Variants in SLC19A2 observed in about 807,000 individuals in gnomAD.
The protein encoded by SLC19A2 is thiamine transporter 1.
SLC19A2 carries 27 observed loss-of-function variants against 44.7 expected under a neutral mutation model. The ratio of observed to expected loss-of-function variants is 0.60; its 90% CI spans 0.45 to 0.83. The LOEUF (loss-of-function observed/expected upper bound fraction) is 0.83. Among genes scored for constraint, SLC19A2 ranks in the 40% least tolerant of loss-of-function variants. SLC19A2 has a pLI of 0.00. For synonymous variants in SLC19A2, 239 were observed against 243.6 expected, an observed-to-expected ratio of 0.98 and a Z score of 0.18; for missense variants, 566 against 613.7, an observed-to-expected ratio of 0.92 and a Z score of 0.82.
At chr1:169,470,572 A>G (rs1296508133) in intron 2 of SLC19A2, among the ~76,000 whole-genome samples, 1 of 152,176 alleles carries the variant, frequency 6.6e-6, no homozygotes, top group Non-Finnish European at 1.5e-5. Flanking sequence ...ATCACTATTC[A>G]GTTAAGGCCT....
At chr1:169,469,002 A>G in intron 3 of SLC19A2, 166 bp from the exon 4 acceptor site, 1 of 631,454 alleles carries the variant, frequency 1.6e-6, no homozygotes, top group Non-Finnish European at 2.7e-6. Flanking sequence ...TCTGAACTTG[A>G]TGGAATCAAT....
rs1192366546 is a variant in SLC19A2, at chr1:169,463,953, A to C, written c.*1896T>G. 1 of 152,114 alleles carries C rather than the reference A, an allele frequency of 6.6e-6. No homozygotes were observed. The highest frequency in any genetic ancestry group is 1.5e-5 in the Non-Finnish European group (1 of 67,932). The allele number at this position is 152,114 out of a possible 1,614,324, so 9.4% of individuals were successfully genotyped here. ...ATATACTGTAAAATATTTATTTAATAAAAATAATTTTATAATCTATACAGA... is the reference window on the plus strand; with the variant it reads ...ATATACTGTAAAATATTTATTTAATCAAAATAATTTTATAATCTATACAGA... On this transcript the variant is annotated 3_prime_UTR_variant, in exon 6 of 6. Coordinates refer to ENST00000236137, the MANE Select transcript of SLC19A2 (RefSeq NM_006996.3).
intron 5 of SLC19A2, among the ~76,000 whole-genome samples, chr1:169,467,367 A>G (rs1658016267): frequency 6.6e-6 from 1 of 152,318 alleles, no homozygotes; most frequent in Admixed American, 6.5e-5. Context: ...GAGGCACTCA[A>G]TGCACATTGT....
intron 2 of SLC19A2, among the ~76,000 whole-genome samples, chr1:169,476,443 G>A (rs1464615859): frequency 6.6e-6 from 1 of 152,216 alleles, no homozygotes; most frequent in Non-Finnish European, 1.5e-5. Context: ...TCATGACTGG[G>A]TGCGGTGGCT....
rs376279404 is a variant in SLC19A2, at chr1:169,465,798, G to C, written c.*51C>G. 343 of 1,601,274 alleles carry C rather than the reference G, an allele frequency of 2.1e-4. No individual in the cohort carries two copies. Among genetic ancestry groups the C allele is most frequent in the Non-Finnish European group, 1.3e-4 (150 of 1,171,016 alleles). ...GCTTTAAAAAATCAAACACATCCAGGCAGTTGCTGTGCAGAGTTCTTGCTA... is the reference window on the plus strand; with the variant it reads ...GCTTTAAAAAATCAAACACATCCAGCCAGTTGCTGTGCAGAGTTCTTGCTA... On this transcript the variant is annotated 3_prime_UTR_variant, in exon 6 of 6. Coordinates refer to ENST00000236137, the MANE Select transcript of SLC19A2 (RefSeq NM_006996.3).
intron 2 of SLC19A2, 80 bp downstream of exon 2, chr1:169,477,075 C>G (rs1658337007): frequency 3.4e-6 from 5 of 1,482,146 alleles, no homozygotes; most frequent in Non-Finnish European, 4.7e-6. Flanking sequence ...CAAGATCTAC[C>G]AAGAGGGAGT....
rs757899129 is a variant in SLC19A2 at position 169,477,782 on chromosome 1, AC to A, written c.205-26del. The A allele has an allele frequency of 5.0e-6, 8 of 1,586,972 alleles. No individual in the cohort carries two copies. The African/African-American group carries it at 9.5e-5, about 19-fold the overall frequency. On this transcript the variant is annotated intron_variant, in intron 1 of 5. Transcript: ENST00000236137. ...CCTGGTAGAAAGAGAAAAAAAAAAA[AC>A]AAAAAACATTAGTGATGAAAGGACC...
Position 169,485,688 on chromosome 1 carries a change from G to T in SLC19A2, c.79C>A (p.Arg27Ser). The T allele has an allele frequency of 6.5e-7, 1 of 1,548,494 alleles. No individual in the cohort carries two copies. The highest frequency in any genetic ancestry group is 1.2e-5 in the South Asian group (1 of 84,070). ...TVLLRTARVR[R>S]ECWFLPTALL... ...GCGGTCGGCAAGAACCAGCATTCGC[G>T]ACGGACCCGAGCGGTCCGCAGGAGC... The change falls in exon 1 of 6, where the codon CGC becomes AGC. Residue 27 changes from arginine (R) to serine (S), a missense_variant. Coordinates refer to ENST00000236137, the MANE Select transcript of SLC19A2 (RefSeq NM_006996.3).
chr1:169,465,437 C>A lies in SLC19A2; in HGVS notation c.*412G>T. The A allele has an allele frequency of 5.0e-6, 1 of 200,566 alleles. No homozygotes were observed. Among genetic ancestry groups the A allele is most frequent in the Non-Finnish European group, 1.0e-5 (1 of 97,354 alleles). 12.4% of individuals were successfully genotyped at this position (200,566 alleles called of 1,614,324 possible). On this transcript the variant is annotated 3_prime_UTR_variant, in exon 6 of 6. Transcript: ENST00000236137. ...ACATATTTCCATCCATCATGACTTGCAACATTTTGTGGCCTCTGTGGAGCC... is the reference window on the plus strand; with the variant it reads ...ACATATTTCCATCCATCATGACTTGAAACATTTTGTGGCCTCTGTGGAGCC...
At chr1:169,468,888 C>G in intron 3 of SLC19A2, 52 bp from the exon 4 acceptor site, 1 of 1,520,234 alleles carries the variant, frequency 6.6e-7, no homozygotes, top group Non-Finnish European at 9.1e-7. Flanking sequence ...AATGCTGTTG[C>G]AATAAATTAA....
intron 1 of SLC19A2, among the ~76,000 whole-genome samples, chr1:169,485,238 C>T (rs1376558079): frequency 1.3e-5 from 2 of 152,218 alleles, no homozygotes; most frequent in Non-Finnish European, 2.9e-5. Flanking sequence ...AAAATATTGC[C>T]CCCTCGCCCC....
chr1:169,476,517 G>A (rs1394569712), intron 2 of SLC19A2, among the ~76,000 whole-genome samples: 6 of 152,036 alleles, frequency 3.9e-5, no homozygotes, highest in African/African-American at 1.2e-4. Flanking sequence ...TCAGGAGTTC[G>A]AGACCAGCCT....
intron 2 of SLC19A2, among the ~76,000 whole-genome samples, chr1:169,471,508 C>CA (rs1658180685): frequency 1.1e-5 from 1 of 94,938 alleles, no homozygotes; most frequent in Non-Finnish European, 2.1e-5. Context: ...CACACACACA[C>CA]AATTTAATTA....
intron 1 of SLC19A2, among the ~76,000 whole-genome samples, chr1:169,484,336 C>A (rs748969824): frequency 6.6e-6 from 1 of 152,196 alleles, no homozygotes; most frequent in Non-Finnish European, 1.5e-5. Flanking sequence ...CTTGTTCTGA[C>A]CTGTTATGCA....
intron 1 of SLC19A2, among the ~76,000 whole-genome samples, chr1:169,481,212 C>T (rs1325552855): frequency 6.6e-6 from 1 of 152,206 alleles, no homozygotes; most frequent in Non-Finnish European, 1.5e-5. Flanking sequence ...TAATCCAAAC[C>T]ACAAACCTAA....
intron 1 of SLC19A2, among the ~76,000 whole-genome samples, chr1:169,483,667 T>G (rs1658490776): frequency 1.3e-5 from 2 of 152,242 alleles, no homozygotes; most frequent in African/African-American, 4.8e-5. Flanking sequence ...ACAGAGCACA[T>G]GATCTTGGTA....
rs1658131092 is a variant in SLC19A2 at position 169,470,040 on chromosome 1, G to T, written c.954C>A (p.Gly318=). ...GYFQVVNYTQ[G]LWEKVMPSRY... is the part of the protein sequence containing the mutation. ...GAGAAGGCATCACTTTCTCCCACAG[G>T]CCCTGTGTGTAGTTCACAACTTGAA... is the stretch of plus-strand genomic sequence containing the variant. The change falls in exon 3 of 6, where the codon GGC becomes GGA. Residue 318 remains glycine, a synonymous_variant. Coordinates refer to ENST00000236137, the MANE Select transcript of SLC19A2 (RefSeq NM_006996.3). 1 of 1,613,862 alleles carries T rather than the reference G, an allele frequency of 6.2e-7. No individual in the cohort carries two copies. The highest frequency in any genetic ancestry group is 1.3e-5 in the African/African-American group (1 of 74,866).
chr1:169,483,850 A>C (rs995879125), intron 1 of SLC19A2, among the ~76,000 whole-genome samples: 1 of 152,260 alleles, frequency 6.6e-6, no homozygotes, highest in Non-Finnish European at 1.5e-5. Flanking sequence ...TGTTCACAGC[A>C]GTATCAATTC....
chr1:169,485,589 GC>G lies in SLC19A2; in HGVS notation c.177del (p.Pro60ArgfsTer5). The G allele has an allele frequency of 6.3e-7, 1 of 1,586,282 alleles. No homozygotes were observed. Among genetic ancestry groups the G allele is most frequent in the South Asian group, 1.1e-5 (1 of 87,144 alleles). On this transcript the variant is annotated frameshift_variant, in exon 1 of 6. Transcript: ENST00000236137. LOFTEE classifies it high-confidence loss of function. ...TCCCTCTCGGTCAGGTTCTTGTCCG[GC>G]CCCAGCAGGTACGGGGTCAGGAAGG... ...SEPFLTPYLLGPDKNLTEREV... is the reference protein window; with the variant it reads ...SEPFLTPYLLXPDKNLTEREV...
Sources: gnomAD v4.1 joint callset for allele counts (sites outside exome capture counted in the v4.1 genomes callset) on GRCh38, gnomAD v4.1.1 for gene constraint, MANE v1.5 for transcripts, NCBI Gene and HGNC (gene_info 2026-07-23, HGNC 2026-07-21) for gene names.